Variants in CDH18 observed in about 807,000 individuals in gnomAD.
CDH18 encodes cadherin-18.
CDH18 carries 31 observed loss-of-function variants against 67.9 expected under a neutral mutation model. The ratio of observed to expected loss-of-function variants is 0.46; its 90% CI spans 0.34 to 0.62. The LOEUF is 0.62. CDH18 is among the 20% of genes least tolerant of loss of function. The pLI is 0.01. For missense variants in CDH18, 890 were observed against 975.5 expected (o/e 0.91, Z 1.17); for synonymous variants, 362 against 347.2 (o/e 1.04, Z -0.48).
At chr5:19,956,346 A>G (rs1271483428) in intron 2 of CDH18, among the ~76,000 whole-genome samples, 1 of 151,908 alleles carries the variant, frequency 6.6e-6, no homozygotes, top group Non-Finnish European at 1.5e-5. Context: ...CACTCTCTAA[A>G]TAATTTATTT....
chr5:20,399,473 T>C (rs1176299418), intron 1 of CDH18, among the ~76,000 whole-genome samples: 1 of 152,128 alleles, frequency 6.6e-6, no homozygotes, highest in Non-Finnish European at 1.5e-5. Context: ...GACACACTAC[T>C]TTTAGGAGAT....
chr5:20,296,625 C>T (rs906206814), intron 1 of CDH18, among the ~76,000 whole-genome samples: 11 of 151,876 alleles, frequency 7.2e-5, no homozygotes, highest in Non-Finnish European at 1.5e-4. Flanking sequence ...TTTCTTTTAC[C>T]TTAAATGTAC....
intron 2 of CDH18, among the ~76,000 whole-genome samples, chr5:20,193,471 A>T (rs1561865975): frequency 6.6e-6 from 1 of 152,044 alleles, no homozygotes; most frequent in Non-Finnish European, 1.5e-5. Flanking sequence ...AATGCCTAGG[A>T]TCAAGCAGAT....
At chr5:20,259,002 T>C (rs554236504) in intron 1 of CDH18, among the ~76,000 whole-genome samples, 1 of 152,210 alleles carries the variant, frequency 6.6e-6, no homozygotes, top group African/African-American at 2.4e-5. Context: ...AGATACTTTA[T>C]CACCCACAAC....
At chr5:20,178,407 A>G (rs1156325725) in intron 2 of CDH18, among the ~76,000 whole-genome samples, 1 of 151,824 alleles carries the variant, frequency 6.6e-6, no homozygotes, top group East Asian at 1.9e-4. Context: ...AATCGTGACT[A>G]AAAACATCAT....
At chr5:20,194,341 C>T (rs570890076) in intron 2 of CDH18, among the ~76,000 whole-genome samples, 146 of 152,106 alleles carry the variant, frequency 9.6e-4, no homozygotes, top group Non-Finnish European at 1.7e-3. Flanking sequence ...TGTTCTCTGT[C>T]TTGACTCGAA....
At chr5:20,328,206 T>C (rs905422310) in intron 1 of CDH18, among the ~76,000 whole-genome samples, 1 of 152,160 alleles carries the variant, frequency 6.6e-6, no homozygotes, top group Non-Finnish European at 1.5e-5. Context: ...AGGTTCATTC[T>C]GCCTAGCACA....
At chr5:19,559,931 A>C (rs1043628708) in intron 8 of CDH18, among the ~76,000 whole-genome samples, 1 of 151,826 alleles carries the variant, frequency 6.6e-6, no homozygotes, top group African/African-American at 2.4e-5. Context: ...CAAACAAAAA[A>C]AAAACTCAGG....
At chr5:20,286,441 T>G (rs1462376901) in intron 1 of CDH18, among the ~76,000 whole-genome samples, 1 of 151,768 alleles carries the variant, frequency 6.6e-6, no homozygotes, top group East Asian at 1.9e-4. Context: ...TAGTAGTAAT[T>G]TAAATTACCA....
At chr5:19,655,989 T>C (rs899208957) in intron 5 of CDH18, among the ~76,000 whole-genome samples, 1 of 146,856 alleles carries the variant, frequency 6.8e-6, no homozygotes, top group Admixed American at 6.8e-5. Context: ...CTCACTTCTT[T>C]TTTTTTTTTT....
chr5:20,219,397 G>A (rs992431289), intron 2 of CDH18, among the ~76,000 whole-genome samples: 5 of 151,378 alleles, frequency 3.3e-5, no homozygotes, highest in South Asian at 4.2e-4. Context: ...TACCAAATAT[G>A]TAAAGAAGAA....
intron 5 of CDH18, among the ~76,000 whole-genome samples, chr5:19,627,346 T>G (rs114363204): frequency 6.6e-6 from 1 of 152,352 alleles, no homozygotes; most frequent in Admixed American, 6.5e-5. Flanking sequence ...ACATCATTTA[T>G]CTACACATTT....
At chr5:20,108,120 G>A (rs781256443) in intron 2 of CDH18, among the ~76,000 whole-genome samples, 22 of 151,876 alleles carry the variant, frequency 1.4e-4, no homozygotes, top group Non-Finnish European at 2.8e-4. Context: ...TTGCTCTGTC[G>A]CTCAGGCTGG....
Position 19,612,728 on chromosome 5 carries a change from G to A in CDH18, c.644-127C>T. ...ATTTTTGGGATAAAGTCACACGTCTGAGAAAAACAATATCTTACCAATGCA... is the reference window on the plus strand; with the variant it reads ...ATTTTTGGGATAAAGTCACACGTCTAAGAAAAACAATATCTTACCAATGCA... On this transcript the variant is annotated intron_variant, in intron 5 of 12. Transcript: ENST00000382275. The A allele has an allele frequency of 7.2e-6, 5 of 698,566 alleles. No homozygotes were observed. In the South Asian group the frequency reaches 9.8e-5, roughly 14 times the overall value. The allele number at this position is 698,566 out of a possible 1,614,324, so 43.3% of individuals were successfully genotyped here. A position where few individuals can be genotyped will look rare whatever the true frequency, so the allele number is the denominator to read the frequency against.
chr5:20,174,825 G>A (rs2126663034), intron 2 of CDH18, among the ~76,000 whole-genome samples: 1 of 152,230 alleles, frequency 6.6e-6, no homozygotes, highest in Admixed American at 6.5e-5. Flanking sequence ...ATCTCTGAGT[G>A]ATAAGCTTAG....
At chr5:20,232,584 T>C (rs1482813166) in intron 2 of CDH18, among the ~76,000 whole-genome samples, 2 of 152,130 alleles carry the variant, frequency 1.3e-5, no homozygotes, top group African/African-American at 4.8e-5. Flanking sequence ...TCATTATTTT[T>C]TTCTTTGTAT....
chr5:19,515,154 G>A (rs1173774163), intron 10 of CDH18, among the ~76,000 whole-genome samples: 3 of 152,122 alleles, frequency 2.0e-5, no homozygotes, highest in African/African-American at 4.8e-5. Context: ...TCAGTTGGTT[G>A]TAGATGTTTG....
At chr5:20,155,886 G>T (rs1172110637) in intron 2 of CDH18, among the ~76,000 whole-genome samples, 4 of 151,952 alleles carry the variant, frequency 2.6e-5, no homozygotes, top group Admixed American at 2.6e-4. Flanking sequence ...TTGGTTGTAG[G>T]TATGTGGCTT....
chr5:19,531,489 G>A (rs1167116638), intron 9 of CDH18, among the ~76,000 whole-genome samples: 2 of 152,152 alleles, frequency 1.3e-5, no homozygotes, highest in African/African-American at 2.4e-5. Context: ...TGATGGTAAT[G>A]CAAAGTTGTA....
Sources: gnomAD v4.1 joint callset for allele counts (sites outside exome capture counted in the v4.1 genomes callset) on GRCh38, gnomAD v4.1.1 for gene constraint, MANE v1.5 for transcripts, NCBI Gene and HGNC (gene_info 2026-07-23, HGNC 2026-07-21) for gene names.